The following PACC1 variants were observed in gnomAD, a reference collection of about 807,000 sequenced individuals.
PACC1 encodes the protein proton-activated chloride channel.
In PACC1, 34 loss-of-function variants were observed where a neutral mutation model predicts 39.7. The observed-to-expected ratio is 0.86, with a 90% CI of 0.65 to 1.14. The LOEUF (loss-of-function observed/expected upper bound fraction) is 1.14. PACC1 is among the 50% of genes most tolerant of loss of function. The probability of loss-of-function intolerance (pLI) is 0.00; values close to 1 mark genes in which losing one functional copy is unlikely to be tolerated. For synonymous variants in PACC1, 127 were observed against 160.6 expected (o/e 0.79, Z 1.58); for missense variants, 379 against 436.4 (o/e 0.87, Z 1.17).
Position 212,381,694 on chromosome 1 carries a change from TGCACACAC to T in PACC1, c.496-1665_496-1658del, listed in dbSNP as rs1476334161. On this transcript the variant is annotated intron_variant, in intron 4 of 7. Transcript: ENST00000261455. Reference sequence around the variant, plus strand: ...TGTGCACAGACACACACACACACACTGCACACACACACACACACACACACACACACACA... The same window carrying T: ...TGTGCACAGACACACACACACACACTACACACACACACACACACACACACA... Among the ~76,000 whole-genome samples the T allele has an allele frequency of 9.2e-4, 72 of 78,650 alleles. 1 individual carries two copies. Among genetic ancestry groups the T allele is most frequent in the Non-Finnish European group, 1.7e-4 (6 of 36,298 alleles). The allele number at this position is 78,650 out of a possible 152,430, so 51.6% of individuals were successfully genotyped here.
At chr1:212,411,656 G>T (rs958661653) in intron 1 of PACC1, among the ~76,000 whole-genome samples, 4 of 152,166 alleles carry the variant, frequency 2.6e-5, no homozygotes, top group Non-Finnish European at 4.4e-5. Context: ...CAAGCACTTT[G>T]TCAGGTTCAC....
chr1:212,368,185 A>T (rs1279147540), intron 7 of PACC1, among the ~76,000 whole-genome samples: 1 of 152,216 alleles, frequency 6.6e-6, no homozygotes, highest in African/African-American at 2.4e-5. Context: ...TCTAGTGCTG[A>T]AACAGCTGCA....
At chr1:212,368,184 G>C (rs748807604) in intron 7 of PACC1, among the ~76,000 whole-genome samples, 1 of 152,196 alleles carries the variant, frequency 6.6e-6, no homozygotes, top group African/African-American at 2.4e-5. Context: ...CTCTAGTGCT[G>C]AAACAGCTGC....
chr1:212,368,856 C>A (rs1292207944), intron 7 of PACC1, among the ~76,000 whole-genome samples: 1 of 151,924 alleles, frequency 6.6e-6, no homozygotes, highest in Admixed American at 6.5e-5. Context: ...CACGGTGAAA[C>A]CCTGTCTCTA....
In PACC1 at chr1:212,385,293, G is replaced by A. The variant is rs1275355055; in HGVS notation, c.476C>T (p.Pro159Leu). The change falls in exon 4 of 8, where the codon CCC becomes CTC. Residue 159 changes from proline (P) to leucine (L), a missense_variant. Coordinates refer to ENST00000261455, the MANE Select transcript of PACC1 (RefSeq NM_018252.3). ...AATTACCACAGTCTGATTGGAGAAG[G>A]GGTCCGTGTAGTTGATCCTCTGGGT... ...CTTQRINYTDPFSNQTVKSAL... is the reference protein window; with the variant it reads ...CTTQRINYTDLFSNQTVKSAL... 1.2e-6 allele frequency: 2 copies of A among 1,614,066 alleles called. No individual in the cohort carries two copies. Among genetic ancestry groups the A allele is most frequent in the Non-Finnish European group, 1.7e-6 (2 of 1,180,008 alleles).
At chr1:212,385,243 C>G in intron 4 of PACC1, 31 bp downstream of exon 4, 1 of 1,613,048 alleles carries the variant, frequency 6.2e-7, no homozygotes, top group Non-Finnish European at 8.5e-7. Context: ...AGAGCAGCTG[C>G]CCAGACCCAG....
chr1:212,391,926 A>C (rs1423184659), intron 2 of PACC1, among the ~76,000 whole-genome samples: 7 of 152,234 alleles, frequency 4.6e-5, no homozygotes, highest in Non-Finnish European at 8.8e-5. Context: ...AAAGCCTCCA[A>C]GAAATATGGG....
rs1660153458 is a variant in PACC1 at position 212,364,233 on chromosome 1, A to G, written c.*982T>C. The G allele has an allele frequency of 6.6e-6, 1 of 152,146 alleles. No homozygotes were observed. The highest frequency in any genetic ancestry group is 2.4e-5 in the African/African-American group (1 of 41,402). 9.4% of individuals were successfully genotyped at this position (152,146 alleles called of 1,614,324 possible). On this transcript the variant is annotated 3_prime_UTR_variant, in exon 8 of 8. Coordinates refer to ENST00000261455, the MANE Select transcript of PACC1 (RefSeq NM_018252.3). Reference sequence around the variant, plus strand: ...TATGCCCCTTCCTCATATGATGGGTAGTTTTGTGGACACAGTAAAGAGTTA... The same window carrying G: ...TATGCCCCTTCCTCATATGATGGGTGGTTTTGTGGACACAGTAAAGAGTTA...
intron 2 of PACC1, among the ~76,000 whole-genome samples, chr1:212,391,835 GGTATCAGT>G (rs1350464439): frequency 6.6e-6 from 1 of 152,078 alleles, no homozygotes; most frequent in East Asian, 1.9e-4. Flanking sequence ...TGGAAGAAAG[GGTATCAGT>G]GATGGAAGAT....
intron 4 of PACC1, among the ~76,000 whole-genome samples, chr1:212,384,193 C>T (rs1661011498): frequency 6.6e-6 from 1 of 152,160 alleles, no homozygotes; most frequent in Non-Finnish European, 1.5e-5. Context: ...GATATCCTTT[C>T]TTCACGTGCA....
intron 2 of PACC1, among the ~76,000 whole-genome samples, chr1:212,391,841 A>G (rs1661330451): frequency 6.6e-6 from 1 of 152,250 alleles, no homozygotes; most frequent in South Asian, 2.1e-4. Context: ...AAAGGGTATC[A>G]GTGATGGAAG....
In PACC1 at chr1:212,386,930, A is replaced by G. The variant is rs1448120518; in HGVS notation, c.304T>C (p.Ser102Pro). 4 of 1,614,112 alleles carry G rather than the reference A, an allele frequency of 2.5e-6. No homozygotes were observed. Among genetic ancestry groups the G allele is most frequent in the Non-Finnish European group, 3.4e-6 (4 of 1,180,054 alleles). Residue 102 changes from serine to proline, a missense_variant, in exon 3 of 8, where the codon TCT becomes CCT. Physicochemically the swap from Ser to Pro is moderately conservative, Grantham distance 74 (BLOSUM62 -1). Coordinates refer to ENST00000261455, the MANE Select transcript of PACC1 (RefSeq NM_018252.3). The surrounding 1 kb of genome is among the most constrained non-coding windows in gnomAD (Gnocchi z 5.0). ...CGATCCACTTCCTTGTAAGACACAG[A>G]CATGACAGGGTGCTTGAGTTTCTCA... is the stretch of plus-strand genomic sequence containing the variant. The part of the protein sequence containing the change: ...FREKLKHPVM[S>P]VSYKEVDRYD...
intron 3 of PACC1, 124 bp from the exon 4 acceptor site, chr1:212,385,549 A>G: frequency 9.5e-7 from 1 of 1,050,002 alleles, no homozygotes; most frequent in Non-Finnish European, 1.4e-6. Context: ...GGAAGGGAGA[A>G]GAAAAGGGTT....
At chr1:212,394,843 T>C (rs1480054075) in intron 2 of PACC1, among the ~76,000 whole-genome samples, 2 of 152,058 alleles carry the variant, frequency 1.3e-5, no homozygotes, top group African/African-American at 4.8e-5. Context: ...ACAATAGCTT[T>C]AAAGAGAATA....
intron 6 of PACC1, among the ~76,000 whole-genome samples, chr1:212,375,849 C>T (rs1214021407): frequency 6.6e-6 from 1 of 152,074 alleles, no homozygotes; most frequent in Non-Finnish European, 1.5e-5. Flanking sequence ...AGTGCCACTG[C>T]ACTCTAGCCT....
At chr1:212,367,314 C>T (rs963331193) in intron 7 of PACC1, among the ~76,000 whole-genome samples, 20 of 152,184 alleles carry the variant, frequency 1.3e-4, no homozygotes, top group African/African-American at 4.8e-4. Context: ...CCTACACACC[C>T]CTCCCCCAAC....
chr1:212,402,009 A>T (rs1661735446), intron 2 of PACC1, among the ~76,000 whole-genome samples: 1 of 152,096 alleles, frequency 6.6e-6, no homozygotes, highest in Non-Finnish European at 1.5e-5. Flanking sequence ...ATAATATTCT[A>T]TTGTGTGAAT....
At chr1:212,397,533 G>A (rs931520132) in intron 2 of PACC1, among the ~76,000 whole-genome samples, 21 of 152,148 alleles carry the variant, frequency 1.4e-4, no homozygotes, top group Middle Eastern at 3.2e-3. Flanking sequence ...AAAGTCTCCT[G>A]GGTTGGTAAA....
chr1:212,365,098 CCA>C lies in PACC1; in HGVS notation c.*115_*116del. 1.9e-6 allele frequency: 2 copies of C among 1,068,018 alleles called. No individual in the cohort carries two copies. The highest frequency in any genetic ancestry group is 2.6e-6 in the Non-Finnish European group (2 of 763,426). The allele number at this position is 1,068,018 out of a possible 1,614,324, so 66.2% of individuals were successfully genotyped here. On this transcript the variant is annotated 3_prime_UTR_variant, in exon 8 of 8. Transcript: ENST00000261455. The stretch of plus-strand genomic sequence containing the variant: ...GTTCCAGTTTTACATGCTGTTCCTC[CCA>C]GCAAGGCCCCATTTCTTCAAGTGAG...
Sources: gnomAD v4.1 joint callset for allele counts (sites outside exome capture counted in the v4.1 genomes callset) on GRCh38, gnomAD v4.1.1 for gene constraint, Gnocchi (gnomAD v3.1) non-coding constraint, MANE v1.5 for transcripts, NCBI Gene and HGNC (gene_info 2026-07-23, HGNC 2026-07-21) for gene names.